LRRC69: variants seen among roughly 807,000 people sequenced by gnomAD.
LRRC69 encodes leucine-rich repeat-containing protein 69.
Under a neutral mutation model 37.8 loss-of-function variants are expected in LRRC69, and 42 were observed. The ratio of observed to expected loss-of-function variants is 1.11; its 90% CI spans 0.87 to 1.44. LRRC69 has a LOEUF of 1.44. Ranked by LOEUF, LRRC69 falls within the 40% of genes most tolerant of loss-of-function variation. LRRC69 has a pLI of 0.00. For missense variants in LRRC69, 357 were observed against 401.9 expected (o/e 0.89, Z 0.96); for synonymous variants, 141 against 143.1 (o/e 0.99, Z 0.11).
At chr8:91,142,595 CT>C (rs1172540427) in intron 5 of LRRC69, among the ~76,000 whole-genome samples, 1 of 152,004 alleles carries the variant, frequency 6.6e-6, no homozygotes, top group Non-Finnish European at 1.5e-5. Context: ...ACCCAGAAGG[CT>C]AGGCCCTCCT....
chr8:91,142,292 A>G (rs1460072583), intron 5 of LRRC69, among the ~76,000 whole-genome samples: 3 of 152,080 alleles, frequency 2.0e-5, no homozygotes, highest in Non-Finnish European at 2.9e-5. Context: ...AGAAAACTTC[A>G]CATTTAAATA....
At chr8:91,167,827 T>A (rs928832912) in intron 5 of LRRC69, among the ~76,000 whole-genome samples, 9 of 152,054 alleles carry the variant, frequency 5.9e-5, no homozygotes, top group Admixed American at 4.6e-4. Flanking sequence ...AGGGAGGATA[T>A]GGTAGAGAAT....
chr8:91,138,203 T>C (rs138557773), intron 5 of LRRC69, among the ~76,000 whole-genome samples: 2 of 152,118 alleles, frequency 1.3e-5, no homozygotes, highest in African/African-American at 4.8e-5. Context: ...AATGAAATAC[T>C]AATAAGTAAT....
chr8:91,214,827 T>A (rs1276112189), intron 7 of LRRC69, among the ~76,000 whole-genome samples: 1 of 151,734 alleles, frequency 6.6e-6, no homozygotes, highest in African/African-American at 2.4e-5. Context: ...TTTTTTACAG[T>A]CAAGTAGATC....
intron 5 of LRRC69, among the ~76,000 whole-genome samples, chr8:91,167,118 C>G (rs1255603266): frequency 1.3e-5 from 2 of 151,734 alleles, no homozygotes; most frequent in African/African-American, 4.8e-5. Context: ...ACAGGAGCAG[C>G]AAAATAAGGA....
intron 5 of LRRC69, among the ~76,000 whole-genome samples, chr8:91,143,094 C>T (rs936772844): frequency 1.3e-5 from 2 of 152,066 alleles, no homozygotes; most frequent in African/African-American, 2.4e-5. Context: ...TGTGGATGTA[C>T]TCGGTGCATA....
intron 6 of LRRC69, among the ~76,000 whole-genome samples, 157 bp downstream of exon 6, chr8:91,189,780 C>T (rs1809462844): frequency 6.6e-6 from 1 of 152,116 alleles, no homozygotes. Flanking sequence ...TTTTGACTTG[C>T]TTATAGAATC....
chr8:91,215,414 T>A (rs1810026030), intron 7 of LRRC69, among the ~76,000 whole-genome samples: 1 of 152,158 alleles, frequency 6.6e-6, no homozygotes, highest in Non-Finnish European at 1.5e-5. Flanking sequence ...TGGTTACCAA[T>A]TATGTTGAAT....
rs10525965 is a variant in LRRC69, at chr8:91,118,351, CAAAAAAAAAAAAAAAAAAAAAAAAAAAA to C, written c.184-6126_184-6099del. On this transcript the variant is annotated intron_variant, in intron 1 of 7. Coordinates refer to ENST00000448384, the Ensembl canonical transcript of LRRC69. The stretch of plus-strand genomic sequence containing the variant: ...AAAAATCCCATCTCTACTAAAAATG[CAAAAAAAAAAAAAAAAAAAAAAAAAAAA>C]AAAAAAAAAAAAAAAGCCAGGCGTG... The C allele has an allele frequency of 6.7e-3, 687 of 101,868 alleles. 5 individuals are homozygous for C. The highest frequency in any genetic ancestry group is 9.8e-3 in the South Asian group (113 of 11,520). 6.3% of individuals were successfully genotyped at this position (101,868 alleles called of 1,614,324 possible).
At chr8:91,146,321 A>C (rs972446144) in intron 5 of LRRC69, among the ~76,000 whole-genome samples, 1 of 151,864 alleles carries the variant, frequency 6.6e-6, no homozygotes, top group South Asian at 2.1e-4. Flanking sequence ...TCTTGTTGAG[A>C]GGCCAGAAGG....
chr8:91,147,645 C>T (rs13281102), intron 5 of LRRC69, among the ~76,000 whole-genome samples: 7,967 of 151,766 alleles, frequency 0.052, 299 homozygotes, highest in Middle Eastern at 0.16. Context: ...TTGGATACTT[C>T]TTAATGACAC....
Position 91,136,330 on chromosome 8 carries a change from A to G in LRRC69, c.651+591A>G, listed in dbSNP as rs147976130. ...AGTCCATCTATCCAGAAGGTATTCAATGAATAGTTGTTGACCCATTAATTA... is the reference window on the plus strand; with the variant it reads ...AGTCCATCTATCCAGAAGGTATTCAGTGAATAGTTGTTGACCCATTAATTA... On this transcript the variant is annotated intron_variant, in intron 5 of 7. Transcript: ENST00000448384. Among the ~76,000 whole-genome samples, 900 of 152,114 alleles carry G rather than the reference A, an allele frequency of 5.9e-3. 11 individuals carry two copies. Among genetic ancestry groups the G allele is most frequent in the South Asian group, 0.036 (176 of 4,822 alleles).
intron 5 of LRRC69, among the ~76,000 whole-genome samples, chr8:91,153,120 AG>A (rs202175928): frequency 1.3e-5 from 2 of 151,484 alleles, no homozygotes; most frequent in African/African-American, 4.8e-5. Context: ...AAATCAAAAA[AG>A]AAAAGGGCAG....
At chr8:91,160,454 C>A (rs931923359) in intron 5 of LRRC69, among the ~76,000 whole-genome samples, 1 of 151,066 alleles carries the variant, frequency 6.6e-6, no homozygotes, top group Admixed American at 6.6e-5. Flanking sequence ...TGTCCCCACC[C>A]AAATCTCATG....
chr8:91,111,093 C>T (rs1312932528), intron 1 of LRRC69, among the ~76,000 whole-genome samples: 1 of 152,040 alleles, frequency 6.6e-6, no homozygotes, highest in African/African-American at 2.4e-5. Flanking sequence ...GATTCACACA[C>T]AGACCCTGTC....
intron 1 of LRRC69, among the ~76,000 whole-genome samples, chr8:91,122,497 A>G (rs987041245): frequency 6.6e-6 from 1 of 152,040 alleles, no homozygotes; most frequent in Non-Finnish European, 1.5e-5. Flanking sequence ...TTGCATTTTC[A>G]GTGCAAAAAT....
chr8:91,169,869 C>A (rs1236167644), intron 5 of LRRC69, among the ~76,000 whole-genome samples: 4 of 131,398 alleles, frequency 3.0e-5, no homozygotes, highest in Admixed American at 7.5e-5. Context: ...TTTTTTATGG[C>A]TGCATAGTAT....
intron 1 of LRRC69, chr8:91,118,520 C>A: frequency 3.8e-6 from 1 of 265,406 alleles, no homozygotes; most frequent in Non-Finnish European, 7.4e-6. Flanking sequence ...CAGAGTGAGA[C>A]TGTCTCAAAA....
chr8:91,172,752 A>T (rs569083615), intron 5 of LRRC69, among the ~76,000 whole-genome samples: 10 of 151,936 alleles, frequency 6.6e-5, no homozygotes, highest in Non-Finnish European at 1.2e-4. Context: ...TGACCTCGTG[A>T]TCAGCCCGCC....
Sources: gnomAD v4.1 joint callset for allele counts (sites outside exome capture counted in the v4.1 genomes callset) on GRCh38, gnomAD v4.1.1 for gene constraint, MANE v1.5 for transcripts, NCBI Gene and HGNC (gene_info 2026-07-23, HGNC 2026-07-21) for gene names.